Variants in RGS8 observed in about 807,000 individuals in gnomAD.
RGS8 encodes the protein regulator of G-protein signaling 8.
Under a neutral mutation model 21.7 loss-of-function variants are expected in RGS8, and 8 were observed. The ratio of observed to expected loss-of-function variants is 0.37; its 90% CI spans 0.22 to 0.66. The LOEUF (loss-of-function observed/expected upper bound fraction) is 0.66, where lower values mean the gene tolerates loss of function less well. RGS8 is among the 30% of genes least tolerant of loss of function. The probability of loss-of-function intolerance (pLI) is 0.59; values close to 1 mark genes in which losing one functional copy is unlikely to be tolerated. For synonymous variants in RGS8, 80 were observed against 83.6 expected (o/e 0.96, Z 0.24); for missense variants, 157 against 217.9 (o/e 0.72, Z 1.76).
chr1:182,743,531 T>C, the RGS8 span, among the ~76,000 whole-genome samples: 1 of 152,218 alleles, frequency 6.6e-6, no homozygotes, highest in South Asian at 2.1e-4. Context: ...TAATAACTCA[T>C]AGATATTATC....
the RGS8 span, among the ~76,000 whole-genome samples, chr1:182,732,301 A>ACC: frequency 6.8e-4 from 103 of 150,652 alleles, no homozygotes; most frequent in African/African-American, 2.0e-3. Flanking sequence ...ACACACACAC[A>ACC]CCCACTGTAG....
chr1:182,683,937 G>A (rs1183062745), intron 1 of RGS8, among the ~76,000 whole-genome samples: 1 of 152,158 alleles, frequency 6.6e-6, no homozygotes, highest in African/African-American at 2.4e-5. Flanking sequence ...AGCAGAAAAA[G>A]ACATGAATGA....
chr1:182,685,070 G>A (rs1284712172), upstream of RGS8, among the ~76,000 whole-genome samples: 1 of 145,986 alleles, frequency 6.8e-6, no homozygotes, highest in Non-Finnish European at 1.5e-5. Flanking sequence ...ATCACGCACA[G>A]CTCCAACTTT....
chr1:182,719,860 G>C, the RGS8 span, among the ~76,000 whole-genome samples: 1 of 151,898 alleles, frequency 6.6e-6, no homozygotes, highest in African/African-American at 2.4e-5. Flanking sequence ...GTTACACACT[G>C]TAGCTTGGAT....
the RGS8 span, among the ~76,000 whole-genome samples, chr1:182,706,274 C>T: frequency 3.2e-4 from 48 of 152,058 alleles, no homozygotes; most frequent in African/African-American, 1.2e-3. Context: ...TAGGTGTGCA[C>T]CACCACACCT....
chr1:182,688,924 G>T (rs12120101), upstream of RGS8, among the ~76,000 whole-genome samples: 5 of 152,164 alleles, frequency 3.3e-5, no homozygotes, highest in East Asian at 9.7e-4. Flanking sequence ...ATGCAGACCC[G>T]GCAACACTGA....
At chr1:182,645,417 G>A (rs1662659671), downstream of RGS8, 1 of 152,210 alleles carries the variant, frequency 6.6e-6, no homozygotes, top group Non-Finnish European at 1.5e-5. Context: ...TTGTGCCAAA[G>A]TCAGCTTTTT....
At chr1:182,749,008 T>C in the RGS8 span, among the ~76,000 whole-genome samples, 1 of 152,224 alleles carries the variant, frequency 6.6e-6, no homozygotes, top group African/African-American at 2.4e-5. Flanking sequence ...AACTCTGAAA[T>C]GTATAGTTTG....
chr1:182,670,052 GCT>G (rs1226448756), intron 2 of RGS8, among the ~76,000 whole-genome samples: 2 of 152,204 alleles, frequency 1.3e-5, no homozygotes, highest in African/African-American at 2.4e-5. Context: ...AAAAATTACT[GCT>G]CTCTTTCTCT....
At chr1:182,673,021 T>A, upstream of RGS8, 1 of 647,610 alleles carries the variant, frequency 1.5e-6, no homozygotes, top group Non-Finnish European at 2.7e-6. Flanking sequence ...GCCTTCCAGG[T>A]GACTGTGATG....
intron 2 of RGS8, among the ~76,000 whole-genome samples, chr1:182,670,719 TTAA>T (rs778387056): frequency 6.6e-5 from 10 of 152,204 alleles, no homozygotes; most frequent in Non-Finnish European, 1.3e-4. Context: ...AATAGCTTCT[TTAA>T]TAATACTATA....
the RGS8 span, among the ~76,000 whole-genome samples, chr1:182,736,424 CT>C: frequency 6.6e-6 from 1 of 152,126 alleles, no homozygotes; most frequent in South Asian, 2.1e-4. Context: ...ACGTGGGAAG[CT>C]TATTTAAAAT....
chr1:182,721,235 T>C, the RGS8 span, among the ~76,000 whole-genome samples: 1 of 151,866 alleles, frequency 6.6e-6, no homozygotes, highest in Admixed American at 6.6e-5. Flanking sequence ...GCCTATCATG[T>C]CCCAGGTTCT....
the RGS8 span, among the ~76,000 whole-genome samples, chr1:182,749,926 G>A: frequency 2.6e-5 from 4 of 152,222 alleles, no homozygotes; most frequent in South Asian, 8.3e-4. Flanking sequence ...TCCCCTGCCT[G>A]TGTCCATGTG....
chr1:182,746,116 C>T, the RGS8 span, among the ~76,000 whole-genome samples: 1 of 152,112 alleles, frequency 6.6e-6, no homozygotes, highest in Non-Finnish European at 1.5e-5. Context: ...CTTCCCTGGG[C>T]TAAAAAGCCC....
At chr1:182,695,799 T>C in the RGS8 span, among the ~76,000 whole-genome samples, 1 of 152,146 alleles carries the variant, frequency 6.6e-6, no homozygotes, top group Admixed American at 6.5e-5. Flanking sequence ...AGAGGAGAGA[T>C]TGGAGGTCAA....
At chr1:182,661,844 A>ACT (rs1202911490) in intron 5 of RGS8, among the ~76,000 whole-genome samples, 1 of 149,932 alleles carries the variant, frequency 6.7e-6, no homozygotes, top group African/African-American at 2.5e-5. Context: ...ACACACACAC[A>ACT]CACTCTTGGG....
At chr1:182,662,287 A>G (rs116837725) in intron 5 of RGS8, among the ~76,000 whole-genome samples, 1,536 of 152,320 alleles carry the variant, frequency 0.01, 24 homozygotes, top group African/African-American at 0.035. Flanking sequence ...GCTCTGAAGC[A>G]GTATTTTACA....
At chr1:182,749,537 C>T in the RGS8 span, among the ~76,000 whole-genome samples, 1 of 152,148 alleles carries the variant, frequency 6.6e-6, no homozygotes, top group African/African-American at 2.4e-5. Context: ...ACACCTCCAG[C>T]TTTGCTCTTT....
Sources: allele counts gnomAD v4.1 joint callset (sites outside exome capture counted in the v4.1 genomes callset), GRCh38; gene constraint gnomAD v4.1.1; transcripts MANE v1.5; gene names NCBI Gene and HGNC (gene_info 2026-07-23, HGNC 2026-07-21).